L3MBTL4: variants seen among roughly 807,000 people sequenced by gnomAD.
The protein encoded by L3MBTL4 is lethal(3)malignant brain tumor-like protein 4.
A neutral mutation model predicts 84.5 loss-of-function variants in L3MBTL4; 70 were observed. The ratio of observed to expected loss-of-function variants is 0.83; its 90% CI spans 0.68 to 1.01. L3MBTL4 has a LOEUF of 1.01. L3MBTL4 is among the 50% of genes least tolerant of loss of function. L3MBTL4 has a pLI of 0.00. For synonymous variants in L3MBTL4, 274 were observed against 259.8 expected (o/e 1.05, Z -0.52); for missense variants, 715 against 754.8 (o/e 0.95, Z 0.62).
rs199766253 is a variant in L3MBTL4, at chr18:6,311,558, C to T, written c.68G>A (p.Arg23His). The change falls in exon 3 of 19, where the codon CGC (arginine) becomes CAC (histidine). Residue 23 changes from arginine to histidine, a missense_variant. Arg to His is a conservative substitution (Grantham distance 29). Transcript: ENST00000317931. ...DSKERLDQDG[R>H]LEQAEEEKKP... ...GTCCAGGGATGGACATCTTACCAAG[C>T]GTCCGTCCTGATCCAAACGCTCTTT... 1.8e-4 allele frequency: 285 copies of T among 1,612,454 alleles called. 1 individual carries two copies. The East Asian group carries it at 4.8e-3, about 27-fold the overall frequency.
intron 9 of L3MBTL4, among the ~76,000 whole-genome samples, chr18:6,239,327 C>T (rs1281806324): frequency 3.2e-5 from 4 of 125,236 alleles, no homozygotes; most frequent in East Asian, 2.2e-4. Context: ...GGCGACAGAG[C>T]GAGACTCCGT....
At chr18:6,337,903 AAGG>A (rs1392162182) in intron 1 of L3MBTL4, among the ~76,000 whole-genome samples, 1 of 152,122 alleles carries the variant, frequency 6.6e-6, no homozygotes, top group Non-Finnish European at 1.5e-5. Flanking sequence ...GATGGAGAGG[AAGG>A]AGAAGGGAAT....
rs556987912 is a variant in L3MBTL4, at chr18:6,274,424, T to A, written c.128-10386A>T. On this transcript the variant is annotated intron_variant, in intron 4 of 18. Transcript: ENST00000317931. Reference sequence around the variant, plus strand: ...CTCAGAATTCCGACTACAGTCCCTGTTCTTGAATTTCCATGAGTCTCCATC... The same window carrying A: ...CTCAGAATTCCGACTACAGTCCCTGATCTTGAATTTCCATGAGTCTCCATC... 1.2e-4 allele frequency among the ~76,000 whole-genome samples: 18 copies of A among 152,332 alleles called. No individual in the cohort carries two copies. The South Asian group carries it at 3.7e-3, about 32-fold the overall frequency.
chr18:5,969,576 G>C lies in L3MBTL4; in HGVS notation c.1445-14C>G, dbSNP rs745638592. ...CCACCGAGTATTCTGTAAGAGAGGT[G>C]GGGTGGGGTGAGGCTCAGGCTCCCA... On this transcript the variant is annotated splice_polypyrimidine_tract_variant and intron_variant, in intron 16 of 18. Coordinates refer to ENST00000317931, the MANE Select transcript of L3MBTL4 (RefSeq NM_001330559.2). 5 of 1,578,006 alleles carry C rather than the reference G, an allele frequency of 3.2e-6. No homozygotes were observed. The highest frequency in any genetic ancestry group is 1.3e-5 in the African/African-American group (1 of 74,432).
chr18:6,275,607 GAGGCTCAC>G (rs2049047929), intron 4 of L3MBTL4, among the ~76,000 whole-genome samples: 1 of 152,166 alleles, frequency 6.6e-6, no homozygotes, highest in South Asian at 2.1e-4. Context: ...TGATGAGGAC[GAGGCTCAC>G]AGGTGTGCAT....
chr18:6,041,611 G>C (rs547090307), intron 16 of L3MBTL4, among the ~76,000 whole-genome samples: 1 of 152,056 alleles, frequency 6.6e-6, no homozygotes, highest in Non-Finnish European at 1.5e-5. Context: ...AAGGCAGAAC[G>C]TGTCCACAAA....
chr18:5,993,871 T>C (rs1598385133), intron 16 of L3MBTL4, among the ~76,000 whole-genome samples: 1 of 152,194 alleles, frequency 6.6e-6, no homozygotes, highest in African/African-American at 2.4e-5. Context: ...CAGTTCTTTC[T>C]GGGTAAAGTT....
chr18:6,254,412 C>CTTTTT (rs763440464), intron 5 of L3MBTL4, among the ~76,000 whole-genome samples: 2 of 112,722 alleles, frequency 1.8e-5, no homozygotes, highest in South Asian at 3.0e-4. Context: ...AAAGTGACAC[C>CTTTTT]TTTTTTTTTT....
chr18:6,131,625 A>G (rs2059879340), intron 14 of L3MBTL4, among the ~76,000 whole-genome samples: 1 of 152,228 alleles, frequency 6.6e-6, no homozygotes, highest in South Asian at 2.1e-4. Flanking sequence ...GGAATCTGGG[A>G]GAATACAGCA....
At chr18:6,030,238 T>C in intron 16 of L3MBTL4, 1 of 932,238 alleles carries the variant, frequency 1.1e-6, no homozygotes, top group Non-Finnish European at 1.3e-6. Context: ...AGGCTGAGGA[T>C]CAGGTTCAGG....
chr18:6,248,778 CTT>C (rs2047797258), intron 5 of L3MBTL4, among the ~76,000 whole-genome samples: 2 of 152,304 alleles, frequency 1.3e-5, no homozygotes, highest in Non-Finnish European at 2.9e-5. Context: ...TACACGTACT[CTT>C]TTTCACAGCT....
chr18:6,291,054 T>C (rs996545649), intron 4 of L3MBTL4, among the ~76,000 whole-genome samples: 4 of 152,182 alleles, frequency 2.6e-5, no homozygotes, highest in Admixed American at 2.6e-4. Context: ...GACATTCAAA[T>C]TGCAAACCAG....
At chr18:6,044,309 T>C (rs1437066468) in intron 16 of L3MBTL4, among the ~76,000 whole-genome samples, 1 of 152,234 alleles carries the variant, frequency 6.6e-6, no homozygotes, top group Non-Finnish European at 1.5e-5. Flanking sequence ...AACACGTCGA[T>C]GATTCCTTAC....
chr18:6,244,774 G>T (rs538076801), intron 5 of L3MBTL4, among the ~76,000 whole-genome samples, 186 bp from the exon 6 acceptor site: 1 of 152,298 alleles, frequency 6.6e-6, no homozygotes, highest in South Asian at 2.1e-4. Context: ...GTATAAAGTG[G>T]CAGTTAGAAA....
chr18:6,360,654 C>T (rs1265919025), intron 1 of L3MBTL4, among the ~76,000 whole-genome samples: 2 of 152,136 alleles, frequency 1.3e-5, no homozygotes, highest in East Asian at 3.9e-4. Flanking sequence ...GGTTAAACTG[C>T]TTTCCCATAC....
intron 1 of L3MBTL4, among the ~76,000 whole-genome samples, chr18:6,408,251 T>C (rs1243740231): frequency 1.3e-5 from 2 of 152,230 alleles, no homozygotes; most frequent in African/African-American, 4.8e-5. Context: ...CACAATTAAA[T>C]GGCAGGATCA....
At chr18:6,276,259 G>T (rs1281817431) in intron 4 of L3MBTL4, among the ~76,000 whole-genome samples, 1 of 152,138 alleles carries the variant, frequency 6.6e-6, no homozygotes, top group African/African-American at 2.4e-5. Flanking sequence ...GCTGTGCCTG[G>T]ACCACCTCAG....
chr18:6,022,984 A>G (rs1443824801), intron 16 of L3MBTL4, among the ~76,000 whole-genome samples: 1 of 152,098 alleles, frequency 6.6e-6, no homozygotes, highest in African/African-American at 2.4e-5. Flanking sequence ...TCTTAATCCC[A>G]TTAGGCCTCT....
intron 16 of L3MBTL4, among the ~76,000 whole-genome samples, chr18:5,972,481 T>A (rs143440130): frequency 1.3e-5 from 2 of 152,120 alleles, no homozygotes; most frequent in Non-Finnish European, 2.9e-5. Flanking sequence ...CCCCAGTGTG[T>A]TGTGAATACT....
Sources: gnomAD v4.1 joint callset for allele counts (sites outside exome capture counted in the v4.1 genomes callset) on GRCh38, gnomAD v4.1.1 for gene constraint, MANE v1.5 for transcripts, NCBI Gene and HGNC (gene_info 2026-07-23, HGNC 2026-07-21) for gene names.